Variants in PTPRF observed in about 807,000 individuals in gnomAD.
PTPRF encodes protein tyrosine phosphatase receptor type F.
Under a neutral mutation model 201.8 loss-of-function variants are expected in PTPRF, and 59 were observed. The observed-to-expected ratio is 0.29, with a 90% CI of 0.24 to 0.36. The LOEUF is 0.36. PTPRF is among the 10% of genes least tolerant of loss of function. PTPRF has a pLI of 1.00. For synonymous variants in PTPRF, 1,088 were observed against 1,089.7 expected, an observed-to-expected ratio of 1.00 and a Z score of 0.03; for missense variants, 2,132 against 2,690.5, an observed-to-expected ratio of 0.79 and a Z score of 4.59.
At chr1:43,567,107 T>G (rs1437559561) in intron 5 of PTPRF, among the ~76,000 whole-genome samples, 1 of 152,158 alleles carries the variant, frequency 6.6e-6, no homozygotes, top group Non-Finnish European at 1.5e-5. Flanking sequence ...TGGCAGGCCA[T>G]GGCCACGTCT....
At chr1:43,568,322 T>A (rs926418063) in intron 5 of PTPRF, among the ~76,000 whole-genome samples, 1 of 150,682 alleles carries the variant, frequency 6.6e-6, no homozygotes, top group African/African-American at 2.4e-5. Context: ...AAAAGAAAAT[T>A]GGTGGTTTGG....
chr1:43,618,784 GAC>G, intron 26 of PTPRF, 35 bp downstream of exon 26: 1 of 1,583,892 alleles, frequency 6.3e-7, no homozygotes. Context: ...CTCTTACCCA[GAC>G]ACTGTAAGGA....
In PTPRF at chr1:43,619,450, G is replaced by T. The variant is rs565372598; in HGVS notation, c.4809G>T (p.Ala1603=). Residue 1603 remains alanine (A), a synonymous_variant, in exon 28 of 34, where the codon GCG becomes GCT. Transcript: ENST00000359947. ...TEDQYVFIHE[A]LLEAATCGHT... is the part of the protein sequence containing the mutation. ...ACCAGTACGTGTTCATCCATGAGGC[G>T]CTGCTGGAGGCTGCCACGTGCGGCC... 3 of 1,614,054 alleles carry T rather than the reference G, an allele frequency of 1.9e-6. No homozygotes were observed. The highest frequency in any genetic ancestry group is 1.7e-6 in the Non-Finnish European group (2 of 1,180,034).
At chr1:43,526,405 G>A (rs1397810722), upstream of PTPRF, among the ~76,000 whole-genome samples, 3 of 151,920 alleles carry the variant, frequency 2.0e-5, no homozygotes, top group Non-Finnish European at 2.9e-5. Flanking sequence ...GATCAGCCTG[G>A]GCAACATGAT....
At chr1:43,544,536 G>A (rs560923315) in intron 2 of PTPRF, among the ~76,000 whole-genome samples, 2 of 152,304 alleles carry the variant, frequency 1.3e-5, no homozygotes, top group South Asian at 4.1e-4. Flanking sequence ...GCTGGGGAGA[G>A]GAGGGGCAAC....
chr1:43,606,656 G>C (rs1655192100), intron 20 of PTPRF, among the ~76,000 whole-genome samples, 158 bp from the exon 21 acceptor site: 1 of 152,178 alleles, frequency 6.6e-6, no homozygotes, highest in African/African-American at 2.4e-5. Context: ...GACCTAATGT[G>C]GCTCCAGGGA....
chr1:43,562,840 A>C (rs867691396), intron 5 of PTPRF, among the ~76,000 whole-genome samples: 2 of 152,068 alleles, frequency 1.3e-5, no homozygotes, highest in African/African-American at 2.4e-5. Flanking sequence ...CATTGGCGCA[A>C]ATCTGGGTAT....
In PTPRF at chr1:43,597,837, C is replaced by T. The variant is rs17849101; in HGVS notation, c.1903C>T (p.Arg635Cys). The T allele has an allele frequency of 3.5e-4, 568 of 1,608,320 alleles. 3 individuals carry two copies. In the East Asian group the frequency reaches 0.011, roughly 31 times the overall value. ...TTGGGTCCCGCCGCCTGCCGACAGC[C>T]GCAACGGCGTTATCACCCAGTACTC... ...VSWVPPPADS[R>C]NGVITQYSVA... Residue 635 changes from arginine (R) to cysteine (C), a missense_variant, in exon 12 of 34, where the codon CGC (arginine) becomes TGC (cysteine). Physicochemically the swap from Arg to Cys is radical, Grantham distance 180 (BLOSUM62 -3). Coordinates refer to ENST00000359947, the MANE Select transcript of PTPRF (RefSeq NM_002840.5).
chr1:43,621,987 A>G lies in PTPRF; in HGVS notation c.5708A>G (p.Asp1903Gly). ...GCCCTGGAGTACCTCGGCAGCTTTG[A>G]CCACTATGCAACGTAACTACCGCTC... ...RAALEYLGSF[D>G]HYAT is the part of the protein sequence containing the mutation. Residue 1903 changes from aspartate (D) to glycine (G), a missense_variant, in exon 34 of 34, where the codon GAC becomes GGC. By Grantham distance (94) the Asp-to-Gly change is moderately conservative. Transcript: ENST00000359947. The G allele has an allele frequency of 6.2e-7, 1 of 1,614,006 alleles. No homozygotes were observed. The highest frequency in any genetic ancestry group is 8.5e-7 in the Non-Finnish European group (1 of 1,179,968).
rs1378581127 is a variant in PTPRF, at chr1:43,546,412, A to G, written c.91+1246A>G. On this transcript the variant is annotated intron_variant, in intron 3 of 33. Transcript: ENST00000359947. This position sits in a 1 kb window ranked among gnomAD's most constrained non-coding sequence, Gnocchi z 4.2. Reference sequence around the variant, plus strand: ...AGACAGGTGGGGAATCACATGGGGAAGTGGGGCAGGGGATCTCCAGGCCTG... The same window carrying G: ...AGACAGGTGGGGAATCACATGGGGAGGTGGGGCAGGGGATCTCCAGGCCTG... Among the ~76,000 whole-genome samples, 1 of 152,114 alleles carries G rather than the reference A, an allele frequency of 6.6e-6. No individual in the cohort carries two copies. Among genetic ancestry groups the G allele is most frequent in the Non-Finnish European group, 1.5e-5 (1 of 68,002 alleles).
upstream of PTPRF, among the ~76,000 whole-genome samples, chr1:43,530,056 GTCTTA>G (rs1187911569): frequency 1.3e-5 from 2 of 152,016 alleles, no homozygotes; most frequent in African/African-American, 4.8e-5. The surrounding 1 kb of genome is among the most constrained non-coding windows in gnomAD (Gnocchi z 4.1). Flanking sequence ...TGCAAAGCCA[GTCTTA>G]TCTTGGGTTC....
At position 43,619,705 on chromosome 1, in the gene PTPRF, C is replaced by T. The variant is rs763586039; in HGVS notation, c.4958C>T (p.Thr1653Met). 7 of 1,614,208 alleles carry T rather than the reference C, an allele frequency of 4.3e-6. No homozygotes were observed. The highest frequency in any genetic ancestry group is 3.3e-5 in the South Asian group (3 of 91,086). ...TTGCTGGCCAGCTCCAAGGCCCACA[C>T]GTCCCGCTTCATCAGCGCCAACCTG... ...FKLLASSKAH[T>M]SRFISANLPC... Residue 1653 changes from threonine (T) to methionine (M), a missense_variant, in exon 29 of 34, where the codon ACG (threonine) becomes ATG (methionine). Around this residue, in one of 6 missense-constraint regions of PTPRF, gnomAD observed 519 missense variants for 659.5 expected, o/e 0.79. Coordinates refer to ENST00000359947, the MANE Select transcript of PTPRF (RefSeq NM_002840.5).
chr1:43,527,002 G>C (rs1643143821), upstream of PTPRF, among the ~76,000 whole-genome samples: 1 of 152,174 alleles, frequency 6.6e-6, no homozygotes, highest in African/African-American at 2.4e-5. Flanking sequence ...TGAGTGATAG[G>C]GAAATCTTGC....
chr1:43,557,599 A>C (rs749553573), intron 5 of PTPRF, among the ~76,000 whole-genome samples: 5 of 147,322 alleles, frequency 3.4e-5, no homozygotes, highest in Non-Finnish European at 1.5e-5. Context: ...GCGCCACTGC[A>C]CTCCAGCCTG....
At chr1:43,602,593 G>C (rs771612109) in intron 14 of PTPRF, among the ~76,000 whole-genome samples, 2 of 150,946 alleles carry the variant, frequency 1.3e-5, no homozygotes, top group Non-Finnish European at 3.0e-5. Context: ...AGGGATACCA[G>C]GGTTGATGAC....
In PTPRF at chr1:43,535,050, GGT is replaced by G. The variant is rs145857935; in HGVS notation, c.-125-3145_-125-3144del. On this transcript the variant is annotated intron_variant, in intron 1 of 33. Transcript: ENST00000359947. ...TACTGTAATCATCCTCAACTGGGAT[GGT>G]GTAAACCCACCCTCCCATCAGGGGT... 3.0e-3 allele frequency among the ~76,000 whole-genome samples: 454 copies of G among 152,304 alleles called. 3 individuals are homozygous for G. The highest frequency in any genetic ancestry group is 0.01 in the African/African-American group (436 of 41,554).
intron 7 of PTPRF, among the ~76,000 whole-genome samples, chr1:43,586,622 G>T (rs1358720453): frequency 2.0e-5 from 3 of 152,250 alleles, no homozygotes; most frequent in African/African-American, 4.8e-5. Flanking sequence ...GCAAAACAAG[G>T]AAGTCCTGTG....
At chr1:43,612,699 AAAGTT>A in intron 22 of PTPRF, 2 of 1,294,834 alleles carry the variant, frequency 1.5e-6, no homozygotes, top group East Asian at 9.8e-5. Context: ...GTAAGCAGAA[AAAGTT>A]AACGGGCTTT....
At chr1:43,587,068 T>C (rs1649341252) in intron 7 of PTPRF, among the ~76,000 whole-genome samples, 1 of 152,192 alleles carries the variant, frequency 6.6e-6, no homozygotes, top group South Asian at 2.1e-4. Context: ...AGGCCTGGTC[T>C]CTGGGGCTGC....
Sources: gnomAD v4.1 joint callset for allele counts (sites outside exome capture counted in the v4.1 genomes callset) on GRCh38, gnomAD v4.1.1 for gene constraint, gnomAD v4.1.1 regional missense constraint, Gnocchi (gnomAD v3.1) non-coding constraint, MANE v1.5 for transcripts, NCBI Gene and HGNC (gene_info 2026-07-23, HGNC 2026-07-21) for gene names.